Variants in PIK3C2G observed in about 807,000 individuals in gnomAD.
PIK3C2G encodes phosphatidylinositol-4-phosphate 3-kinase catalytic subunit type 2 gamma, also known as phosphatidylinositol 3-kinase C2 domain-containing subunit gamma.
PIK3C2G carries 168 observed loss-of-function variants against 181.1 expected under a neutral mutation model. The ratio of observed to expected loss-of-function variants is 0.93; its 90% CI spans 0.82 to 1.05. PIK3C2G has a LOEUF of 1.05. Ranked by LOEUF, PIK3C2G falls within the 50% of genes least tolerant of loss-of-function variation. The pLI is 0.00. For synonymous variants in PIK3C2G, 573 were observed against 592.2 expected (o/e 0.97, Z 0.47); for missense variants, 1,869 against 1,732.8 (o/e 1.08, Z -1.40).
At chr12:18,254,719 T>C (rs7485276) in intron 1 of PIK3C2G, among the ~76,000 whole-genome samples, 66,534 of 151,372 alleles carry the variant, frequency 0.44, 15,059 homozygotes, top group East Asian at 0.75. Flanking sequence ...GGCATGTGCC[T>C]GTAGTTCCAG....
the PIK3C2G span, among the ~76,000 whole-genome samples, chr12:18,718,663 T>C: frequency 3.3e-5 from 5 of 152,198 alleles, no homozygotes; most frequent in Admixed American, 6.5e-5. Context: ...AGAAGACTTT[T>C]CTGACAACTT....
At chr12:18,454,943 G>C (rs1947545091) in intron 18 of PIK3C2G, among the ~76,000 whole-genome samples, 1 of 152,114 alleles carries the variant, frequency 6.6e-6, no homozygotes, top group Non-Finnish European at 1.5e-5. Flanking sequence ...CCCCTTAGCT[G>C]GGTTCTCTCC....
Position 18,505,355 on chromosome 12 carries a change from T to C in PIK3C2G, c.3217T>C (p.Cys1073Arg). ...WCVVTFILGVCDRHNDNIMLT... is the reference protein window; with the variant it reads ...WCVVTFILGVRDRHNDNIMLT... ...TGTGGTAACATTCATCCTGGGAGTA[T>C]GTGACCGTCACAATGATAATATCAT... Residue 1073 changes from cysteine (C) to arginine (R), a missense_variant, in exon 24 of 33, where the codon TGT (cysteine) becomes CGT (arginine). By Grantham distance (180) the Cys-to-Arg change is radical. Transcript: ENST00000538779. 1 of 1,613,302 alleles carries C rather than the reference T, an allele frequency of 6.2e-7. No homozygotes were observed. Among genetic ancestry groups the C allele is most frequent in the Non-Finnish European group, 8.5e-7 (1 of 1,179,560 alleles).
the PIK3C2G span, among the ~76,000 whole-genome samples, chr12:18,712,549 C>G: frequency 6.6e-6 from 1 of 152,100 alleles, no homozygotes; most frequent in Non-Finnish European, 1.5e-5. Context: ...ATTTCTCAAA[C>G]TTTCCTGGCC....
At chr12:18,723,482 T>G in the PIK3C2G span, 3 of 1,613,044 alleles carry the variant, frequency 1.9e-6, no homozygotes, top group Non-Finnish European at 2.5e-6. Flanking sequence ...TGCGTGATAA[T>G]TCGATAAATT....
At chr12:18,459,059 A>G (rs1410625719) in intron 18 of PIK3C2G, among the ~76,000 whole-genome samples, 1 of 152,162 alleles carries the variant, frequency 6.6e-6, no homozygotes, top group Non-Finnish European at 1.5e-5. Context: ...CTTCTGACTT[A>G]CAGAACTGTG....
intron 31 of PIK3C2G, among the ~76,000 whole-genome samples, chr12:18,625,435 C>G (rs1949053823): frequency 6.6e-6 from 1 of 151,602 alleles, no homozygotes; most frequent in Admixed American, 6.6e-5. Context: ...TTATTACGGC[C>G]TAACATATGA....
intron 16 of PIK3C2G, among the ~76,000 whole-genome samples, chr12:18,407,372 C>T (rs970577900): frequency 6.6e-6 from 1 of 152,036 alleles, no homozygotes; most frequent in Non-Finnish European, 1.5e-5. Flanking sequence ...ACTTGAAATA[C>T]AGAAAAACCT....
upstream of PIK3C2G, among the ~76,000 whole-genome samples, chr12:18,259,777 G>T (rs561991599): frequency 5.2e-4 from 79 of 152,030 alleles, no homozygotes; most frequent in Non-Finnish European, 1.1e-3. Context: ...AATAAAATTT[G>T]CATTTCATTG....
rs530504759 is a variant in PIK3C2G at position 18,410,785 on chromosome 12, GT to G, written c.2316-10153del. On this transcript the variant is annotated intron_variant, in intron 16 of 32. Transcript: ENST00000538779. ...GCATCATGTTACTTTTACATATAAT[GT>G]TTATGTTTAGTGCATCCAAACATAA... Among the ~76,000 whole-genome samples, 3 of 152,228 alleles carry G rather than the reference GT, an allele frequency of 2.0e-5. No individual in the cohort carries two copies. The South Asian group carries it at 6.2e-4, about 32-fold the overall frequency.
intron 8 of PIK3C2G, among the ~76,000 whole-genome samples, chr12:18,336,970 A>G (rs1385508576): frequency 3.9e-5 from 6 of 152,176 alleles, no homozygotes; most frequent in Admixed American, 3.9e-4. Context: ...AAAATACCCT[A>G]GAATAAGGAG....
intron 30 of PIK3C2G, among the ~76,000 whole-genome samples, chr12:18,595,595 AT>A (rs973350133): frequency 2.0e-5 from 3 of 152,066 alleles, no homozygotes; most frequent in African/African-American, 7.2e-5. Context: ...TAAGGAATTT[AT>A]TTTTTTCAAA....
chr12:18,559,662 T>C (rs1173442498), intron 26 of PIK3C2G, among the ~76,000 whole-genome samples: 2 of 150,576 alleles, frequency 1.3e-5, no homozygotes, highest in African/African-American at 2.4e-5. Flanking sequence ...CTGTTGGACA[T>C]ATAATCCAAA....
chr12:18,478,158 A>C (rs1939191734), intron 18 of PIK3C2G, among the ~76,000 whole-genome samples: 1 of 152,182 alleles, frequency 6.6e-6, no homozygotes, highest in Non-Finnish European at 1.5e-5. Context: ...CTGGGCACTC[A>C]GTTCAGAACC....
intron 14 of PIK3C2G, among the ~76,000 whole-genome samples, chr12:18,383,801 G>C (rs1942991063): frequency 6.6e-6 from 1 of 151,134 alleles, no homozygotes; most frequent in Non-Finnish European, 1.5e-5. Context: ...GTTTTGGTTT[G>C]GGTTTGGGTG....
intron 19 of PIK3C2G, among the ~76,000 whole-genome samples, chr12:18,488,979 C>T (rs376887215): frequency 5.1e-4 from 78 of 152,006 alleles, no homozygotes; most frequent in African/African-American, 1.7e-3. Context: ...TTTTAGGGCA[C>T]GTTTTTGTCG....
the PIK3C2G span, among the ~76,000 whole-genome samples, chr12:18,665,738 C>A: frequency 2.6e-5 from 4 of 151,956 alleles, no homozygotes; most frequent in African/African-American, 9.7e-5. Context: ...AGATCGAGAC[C>A]ATCCTGGACC....
At chr12:18,701,804 T>C in the PIK3C2G span, 1 of 1,574,486 alleles carries the variant, frequency 6.4e-7, no homozygotes, top group Non-Finnish European at 8.6e-7. Flanking sequence ...GAGATACAAT[T>C]ACACATTTAC....
chr12:18,384,546 T>C (rs1203602523), intron 14 of PIK3C2G, among the ~76,000 whole-genome samples: 1 of 152,220 alleles, frequency 6.6e-6, no homozygotes, highest in Non-Finnish European at 1.5e-5. Context: ...TTTGTGGATA[T>C]AAATTCATGA....
Sources: allele counts gnomAD v4.1 joint callset (sites outside exome capture counted in the v4.1 genomes callset), GRCh38; gene constraint gnomAD v4.1.1; transcripts MANE v1.5; gene names NCBI Gene and HGNC (gene_info 2026-07-23, HGNC 2026-07-21).